Variants in CNTN5 observed in about 807,000 individuals in gnomAD.
CNTN5 encodes contactin 5.
In CNTN5, 77 loss-of-function variants were observed where a neutral mutation model predicts 129.1. The observed-to-expected ratio is 0.60, with a 90% CI of 0.50 to 0.72. The LOEUF (loss-of-function observed/expected upper bound fraction) is 0.72. CNTN5 is among the 30% of genes least tolerant of loss of function. The probability of loss-of-function intolerance (pLI) is 0.00; values close to 1 mark genes in which losing one functional copy is unlikely to be tolerated. For synonymous variants in CNTN5, 509 were observed against 465.6 expected, an observed-to-expected ratio of 1.09 and a Z score of -1.20; for missense variants, 1,478 against 1,328.8, an observed-to-expected ratio of 1.11 and a Z score of -1.75.
chr11:99,910,305 G>A (rs1949624975), intron 6 of CNTN5, among the ~76,000 whole-genome samples: 1 of 151,920 alleles, frequency 6.6e-6, no homozygotes, highest in Admixed American at 6.6e-5. Flanking sequence ...TTCTGTCAAG[G>A]TACCATTCAA....
intron 6 of CNTN5, among the ~76,000 whole-genome samples, chr11:99,860,589 C>T (rs879266267): frequency 1.3e-5 from 2 of 152,110 alleles, no homozygotes; most frequent in Non-Finnish European, 2.9e-5. Context: ...TTAATTTTGT[C>T]AACTTTGTTG....
intron 6 of CNTN5, among the ~76,000 whole-genome samples, chr11:99,868,206 A>T (rs1948406559): frequency 6.6e-6 from 1 of 151,794 alleles, no homozygotes. Flanking sequence ...ACAAGAACAA[A>T]ACTCCATCTC....
In CNTN5 at chr11:100,058,962, C is replaced by T. The variant is rs117900366; in HGVS notation, c.981-2250C>T. Among the ~76,000 whole-genome samples the T allele has an allele frequency of 6.7e-3, 1,022 of 152,090 alleles. 5 individuals carry two copies. The highest frequency in any genetic ancestry group is 0.01 in the Non-Finnish European group (700 of 67,988). ...TAGCAGATATGATTGGAAACACAGA[C>T]GGATGTGTTTCTGGGTCAGGAGATC... On this transcript the variant is annotated intron_variant, in intron 9 of 24. Transcript: ENST00000524871.
At chr11:99,768,075 G>A (rs1211744922) in intron 3 of CNTN5, among the ~76,000 whole-genome samples, 1 of 152,046 alleles carries the variant, frequency 6.6e-6, no homozygotes, top group African/African-American at 2.4e-5. Context: ...AGACTGAGTT[G>A]AGTAGTTGTG....
At chr11:100,324,945 T>C (rs140432191) in intron 21 of CNTN5, among the ~76,000 whole-genome samples, 565 of 152,290 alleles carry the variant, frequency 3.7e-3, no homozygotes, top group Non-Finnish European at 6.7e-3. Context: ...AAGTAACTAA[T>C]ATGCATGCAA....
chr11:99,576,614 G>T (rs1478990005), intron 3 of CNTN5, among the ~76,000 whole-genome samples: 1 of 152,154 alleles, frequency 6.6e-6, no homozygotes, highest in East Asian at 1.9e-4. Context: ...CATTTGGGCT[G>T]CTATAACAAA....
intron 13 of CNTN5, among the ~76,000 whole-genome samples, chr11:100,187,897 C>G (rs1948350749): frequency 6.6e-6 from 1 of 152,078 alleles, no homozygotes; most frequent in South Asian, 2.1e-4. Flanking sequence ...GTGACTAAGT[C>G]CTCAAAAACA....
chr11:99,968,826 A>T (rs1358886695), intron 8 of CNTN5, among the ~76,000 whole-genome samples: 1 of 151,456 alleles, frequency 6.6e-6, no homozygotes, highest in African/African-American at 2.4e-5. Flanking sequence ...TGACAGGAAC[A>T]CTCCTATTGG....
intron 13 of CNTN5, among the ~76,000 whole-genome samples, chr11:100,129,864 A>T (rs1425938337): frequency 6.6e-6 from 1 of 151,882 alleles, no homozygotes; most frequent in Non-Finnish European, 1.5e-5. Context: ...TGTTGTATTA[A>T]TCAGGTTAAA....
intron 6 of CNTN5, among the ~76,000 whole-genome samples, chr11:99,883,238 G>C (rs1459757352): frequency 6.6e-6 from 1 of 152,126 alleles, no homozygotes; most frequent in African/African-American, 2.4e-5. Flanking sequence ...CCAAGCAGTG[G>C]GATTGTTGGA....
At chr11:99,506,156 C>A (rs941934336) in intron 2 of CNTN5, among the ~76,000 whole-genome samples, 11 of 152,216 alleles carry the variant, frequency 7.2e-5, no homozygotes, top group African/African-American at 1.9e-4. Context: ...ATCCATGAAT[C>A]TGAATGGTAC....
At chr11:99,435,044 T>C (rs1943547269) in intron 2 of CNTN5, among the ~76,000 whole-genome samples, 1 of 152,164 alleles carries the variant, frequency 6.6e-6, no homozygotes, top group Non-Finnish European at 1.5e-5. Flanking sequence ...GACTTAAGTC[T>C]AGATAAATGT....
chr11:99,654,055 T>G (rs1037130048), intron 3 of CNTN5, among the ~76,000 whole-genome samples: 1 of 152,038 alleles, frequency 6.6e-6, no homozygotes, highest in Non-Finnish European at 1.5e-5. Flanking sequence ...TTTTTACCCT[T>G]CAGTGATGAT....
In CNTN5 at chr11:99,562,920, G is replaced by A. The variant is rs140300365; in HGVS notation, c.55+6651G>A. On this transcript the variant is annotated intron_variant, in intron 3 of 24. Coordinates refer to ENST00000524871, the MANE Select transcript of CNTN5 (RefSeq NM_014361.4). ...TATCTAAAATTTAGGGAAGATGACC[G>A]AGCTAAAAGTAAATCTGTGATTCAT... Among the ~76,000 whole-genome samples the A allele has an allele frequency of 7.4e-4, 112 of 152,210 alleles. 1 individual carries two copies. Among genetic ancestry groups the A allele is most frequent in the African/African-American group, 2.5e-3 (103 of 41,560 alleles).
chr11:99,210,576 C>G (rs1377728730), intron 1 of CNTN5, among the ~76,000 whole-genome samples: 1 of 152,070 alleles, frequency 6.6e-6, no homozygotes, highest in African/African-American at 2.4e-5. Context: ...TTCACTTTGT[C>G]TCCGATTTCA....
intron 3 of CNTN5, among the ~76,000 whole-genome samples, chr11:99,722,277 T>A (rs1299086997): frequency 6.6e-6 from 1 of 152,180 alleles, no homozygotes; most frequent in African/African-American, 2.4e-5. Context: ...GTGGTACATA[T>A]ACACTGTGGA....
intron 18 of CNTN5, among the ~76,000 whole-genome samples, chr11:100,285,325 C>A (rs1950752685): frequency 6.6e-6 from 1 of 152,204 alleles, no homozygotes; most frequent in African/African-American, 2.4e-5. Context: ...GATACCCTCA[C>A]TGTGAGAAGT....
chr11:99,915,243 C>T (rs190912487), intron 6 of CNTN5, among the ~76,000 whole-genome samples: 8 of 152,020 alleles, frequency 5.3e-5, no homozygotes, highest in South Asian at 2.1e-4. Context: ...AGGAAAGGAG[C>T]GTAAGTACTG....
chr11:99,801,886 C>G (rs957536603), intron 3 of CNTN5, among the ~76,000 whole-genome samples: 4 of 152,124 alleles, frequency 2.6e-5, no homozygotes, highest in African/African-American at 9.7e-5. Context: ...GACTTTCTTG[C>G]AATCCATGCT....
Sources: allele counts gnomAD v4.1 joint callset (sites outside exome capture counted in the v4.1 genomes callset), GRCh38; gene constraint gnomAD v4.1.1; transcripts MANE v1.5; gene names NCBI Gene and HGNC (gene_info 2026-07-23, HGNC 2026-07-21).